The following GRB10 variants were observed in gnomAD, a reference collection of about 807,000 sequenced individuals.
GRB10 encodes growth factor receptor bound protein 10, also known as growth factor receptor-bound protein 10.
GRB10 carries 20 observed loss-of-function variants against 80.9 expected under a neutral mutation model. That is an observed-to-expected ratio of 0.25 (90% CI 0.17 to 0.36). The LOEUF is 0.36. Ranked by LOEUF, GRB10 falls within the 10% of genes least tolerant of loss-of-function variation. The probability of loss-of-function intolerance (pLI) is 1.00; values close to 1 mark genes in which losing one functional copy is unlikely to be tolerated. For missense variants in GRB10, 548 were observed against 747.7 expected, an observed-to-expected ratio of 0.73 and a Z score of 3.12; for synonymous variants, 291 against 291.5, an observed-to-expected ratio of 1.00 and a Z score of 0.02.
chr7:50,597,193 C>G (rs1037793414), intron 17 of GRB10, among the ~76,000 whole-genome samples: 2 of 152,180 alleles, frequency 1.3e-5, no homozygotes, highest in Non-Finnish European at 2.9e-5. Flanking sequence ...TCCAATCTTA[C>G]CTATGTAGAA....
At chr7:50,768,221 C>A (rs2076567155) in intron 2 of GRB10, among the ~76,000 whole-genome samples, 4 of 152,112 alleles carry the variant, frequency 2.6e-5, no homozygotes, top group Admixed American at 2.6e-4. Context: ...CTGAGTGGTG[C>A]CTTAGCTAAA....
chr7:50,707,087 T>C (rs866154784), intron 4 of GRB10, among the ~76,000 whole-genome samples: 16 of 152,258 alleles, frequency 1.1e-4, no homozygotes, highest in African/African-American at 3.1e-4. Context: ...GTCAAGTTTA[T>C]TGACCTTATC....
chr7:50,717,437 G>C (rs1444831232), intron 4 of GRB10, among the ~76,000 whole-genome samples: 1 of 114,984 alleles, frequency 8.7e-6, no homozygotes, highest in African/African-American at 3.4e-5. Context: ...TCACTCACAT[G>C]AGAAGCTTGA....
chr7:50,660,787 T>C (rs1048999130), intron 7 of GRB10, among the ~76,000 whole-genome samples: 5 of 152,086 alleles, frequency 3.3e-5, no homozygotes, highest in Non-Finnish European at 5.9e-5. Flanking sequence ...GACTCTTGCG[T>C]GCGTGAAGCC....
chr7:50,730,909 T>A lies in GRB10; in HGVS notation c.51+1363A>T, dbSNP rs139834169. Reference sequence around the variant, plus strand: ...GAGACTTTCCCTTGGGGATGTTCTTTGAGCTCACTGACTGCACTCTCTTGG... The same window carrying A: ...GAGACTTTCCCTTGGGGATGTTCTTAGAGCTCACTGACTGCACTCTCTTGG... On this transcript the variant is annotated intron_variant, in intron 4 of 18. Coordinates refer to ENST00000401949, the MANE Select transcript of GRB10 (RefSeq NM_001350814.2). Among the ~76,000 whole-genome samples the A allele has an allele frequency of 4.9e-3, 744 of 152,336 alleles. 1 individual carries two copies. Among genetic ancestry groups the A allele is most frequent in the Non-Finnish European group, 6.1e-3 (415 of 68,032 alleles).
At chr7:50,695,762 T>C (rs17450294) in intron 5 of GRB10, among the ~76,000 whole-genome samples, 10,953 of 152,260 alleles carry the variant, frequency 0.072, 621 homozygotes, top group South Asian at 0.12. Flanking sequence ...AGTTCTGTCA[T>C]TGTATTTTTA....
intron 7 of GRB10, among the ~76,000 whole-genome samples, chr7:50,632,174 T>C (rs946717648): frequency 1.3e-5 from 2 of 152,230 alleles, no homozygotes; most frequent in African/African-American, 4.8e-5. Flanking sequence ...AAATTAATGA[T>C]ATTATTTCTT....
intron 17 of GRB10, among the ~76,000 whole-genome samples, chr7:50,598,820 C>T (rs770809342): frequency 2.1e-4 from 32 of 152,098 alleles, no homozygotes; most frequent in Non-Finnish European, 3.8e-4. Flanking sequence ...CAAATTTTGC[C>T]GAAGAGGTTT....
chr7:50,636,572 T>A (rs560063256), intron 7 of GRB10, among the ~76,000 whole-genome samples: 4 of 152,160 alleles, frequency 2.6e-5, no homozygotes, highest in East Asian at 3.8e-4. Flanking sequence ...CAAGGATAGT[T>A]TGACATCTGC....
chr7:50,642,431 AC>A (rs2056428913), intron 7 of GRB10, among the ~76,000 whole-genome samples: 1 of 152,204 alleles, frequency 6.6e-6, no homozygotes, highest in Non-Finnish European at 1.5e-5. Context: ...ACAAACACAT[AC>A]ACACATGCAC....
At chr7:50,602,486 C>A (rs2153567086) in intron 17 of GRB10, among the ~76,000 whole-genome samples, 1 of 152,312 alleles carries the variant, frequency 6.6e-6, no homozygotes, top group African/African-American at 2.4e-5. Flanking sequence ...CACCACTCCC[C>A]AGGAATCAGG....
At chr7:50,742,531 C>T (rs375073042) in intron 3 of GRB10, among the ~76,000 whole-genome samples, 1 of 152,154 alleles carries the variant, frequency 6.6e-6, no homozygotes, top group East Asian at 1.9e-4. Flanking sequence ...AATTCTGGAG[C>T]CCAGACCCTG....
chr7:50,723,763 T>G (rs183664402), intron 4 of GRB10, among the ~76,000 whole-genome samples: 1 of 152,246 alleles, frequency 6.6e-6, no homozygotes, highest in African/African-American at 2.4e-5. Flanking sequence ...GGGGCCTGCA[T>G]GCCTCCTGGG....
chr7:50,751,752 A>C (rs2074143020), intron 3 of GRB10, among the ~76,000 whole-genome samples: 1 of 152,228 alleles, frequency 6.6e-6, no homozygotes, highest in South Asian at 2.1e-4. Flanking sequence ...GAATGAAAAC[A>C]ATTTGGGGGC....
chr7:50,625,670 G>A (rs2715139), intron 8 of GRB10, among the ~76,000 whole-genome samples: 18,179 of 152,184 alleles, frequency 0.12, 2,392 homozygotes, highest in African/African-American at 0.33. Flanking sequence ...GGCTTCTGTC[G>A]TCACACAAAT....
intron 5 of GRB10, among the ~76,000 whole-genome samples, chr7:50,695,362 A>G (rs1214519089): frequency 6.6e-6 from 1 of 152,162 alleles, no homozygotes; most frequent in African/African-American, 2.4e-5. Flanking sequence ...ATTATCCTGG[A>G]TCAGTAAGTT....
chr7:50,738,208 A>T (rs1417867419), intron 3 of GRB10, among the ~76,000 whole-genome samples: 1 of 152,178 alleles, frequency 6.6e-6, no homozygotes, highest in African/African-American at 2.4e-5. Context: ...TAATATGGTG[A>T]TTCCTCAAAA....
In GRB10 at chr7:50,674,478, T is replaced by A; in HGVS notation, c.320A>T (p.Gln107Leu). ...RSIQPQVSPR[Q>L]RVQRSQPVHI... ...CACAGGCTGGGAGCGCTGCACCCTC[T>A]GCCTCGGGGACACCTGTGGCTGGAT... The change falls in exon 6 of 19, where the codon CAG becomes CTG. Residue 107 changes from glutamine (Q) to leucine (L), a missense_variant. Coordinates refer to ENST00000401949, the MANE Select transcript of GRB10 (RefSeq NM_001350814.2). 6.2e-7 allele frequency: 1 copy of A among 1,608,092 alleles called. No individual in the cohort carries two copies.
Position 50,595,430 on chromosome 7 carries a change from T to G in GRB10, c.1638+7A>C. ...ACAAGGACTGGTCTGAGAACATCAATACTTACAGGTAAGATCTGGAAATTT... is the reference window on the plus strand; with the variant it reads ...ACAAGGACTGGTCTGAGAACATCAAGACTTACAGGTAAGATCTGGAAATTT... On this transcript the variant is annotated splice_region_variant and intron_variant, in intron 18 of 18. Coordinates refer to ENST00000401949, the MANE Select transcript of GRB10 (RefSeq NM_001350814.2). 7.0e-7 allele frequency: 1 copy of G among 1,429,998 alleles called. No homozygotes were observed. The highest frequency in any genetic ancestry group is 9.9e-7 in the Non-Finnish European group (1 of 1,012,122). 88.6% of individuals were successfully genotyped at this position (1,429,998 alleles called of 1,614,324 possible).
Sources: allele counts gnomAD v4.1 joint callset (sites outside exome capture counted in the v4.1 genomes callset), GRCh38; gene constraint gnomAD v4.1.1; transcripts MANE v1.5; gene names NCBI Gene and HGNC (gene_info 2026-07-23, HGNC 2026-07-21).